Variants in SI observed in about 807,000 individuals in gnomAD.
SI encodes the protein sucrase-isomaltase, also known as sucrase-isomaltase, intestinal.
In SI, 235 loss-of-function variants were observed where a neutral mutation model predicts 253.3. The observed-to-expected ratio is 0.93, with a 90% CI of 0.83 to 1.03. The LOEUF is 1.03. SI is among the 50% of genes least tolerant of loss of function. The probability of loss-of-function intolerance (pLI) is 0.00; values close to 1 mark genes in which losing one functional copy is unlikely to be tolerated. For missense variants in SI, 2,442 were observed against 2,211.1 expected, an observed-to-expected ratio of 1.10 and a Z score of -2.09; for synonymous variants, 819 against 712.0, an observed-to-expected ratio of 1.15 and a Z score of -2.39.
intron 37 of SI, among the ~76,000 whole-genome samples, chr3:165,000,992 A>G (rs865867478): frequency 8.6e-5 from 13 of 151,438 alleles, no homozygotes; most frequent in Middle Eastern, 6.8e-3. Context: ...AAGTAAAACC[A>G]GAAACTCTAC....
chr3:164,988,128 G>T (rs932494974), intron 44 of SI, among the ~76,000 whole-genome samples: 4 of 152,056 alleles, frequency 2.6e-5, no homozygotes, highest in African/African-American at 9.7e-5. Context: ...ACTTGATTTG[G>T]CAGCCTCATA....
At chr3:165,000,071 C>A (rs959411519) in intron 37 of SI, among the ~76,000 whole-genome samples, 7 of 150,892 alleles carry the variant, frequency 4.6e-5, no homozygotes, top group Non-Finnish European at 8.9e-5. Flanking sequence ...GGTGATAATT[C>A]TATAAATCTA....
At chr3:164,989,561 T>C (rs1159526260) in intron 44 of SI, among the ~76,000 whole-genome samples, 1 of 151,974 alleles carries the variant, frequency 6.6e-6, no homozygotes, top group Non-Finnish European at 1.5e-5. Flanking sequence ...AGTAGTTTGA[T>C]GGAGTAGTGA....
rs771233611 is a variant in SI, at chr3:165,059,312, A to C, written c.1147-13T>G. The C allele has an allele frequency of 6.2e-7, 1 of 1,611,072 alleles. No homozygotes were observed. The highest frequency in any genetic ancestry group is 8.5e-7 in the Non-Finnish European group (1 of 1,177,834). On this transcript the variant is annotated splice_polypyrimidine_tract_variant and intron_variant, in intron 10 of 47. Coordinates refer to ENST00000264382, the MANE Select transcript of SI (RefSeq NM_001041.4). Reference sequence around the variant, plus strand: ...TGACCTGTGTATCCTGAAAGTTAGAAGATTGTATTTCAATACATAGTACTG... The same window carrying C: ...TGACCTGTGTATCCTGAAAGTTAGACGATTGTATTTCAATACATAGTACTG...
intron 25 of SI, among the ~76,000 whole-genome samples, chr3:165,024,467 T>C (rs1711796096): frequency 6.6e-6 from 1 of 151,282 alleles, no homozygotes; most frequent in African/African-American, 2.4e-5. Flanking sequence ...TCCAATTTCC[T>C]TTTAAAGAAG....
chr3:165,048,878 A>G (rs553446509), intron 15 of SI, among the ~76,000 whole-genome samples: 31 of 152,092 alleles, frequency 2.0e-4, no homozygotes, highest in Non-Finnish European at 2.9e-4. Context: ...CGGCCTCCCA[A>G]TGTGCTGGGG....
intron 44 of SI, among the ~76,000 whole-genome samples, chr3:164,989,692 C>T (rs1204308537): frequency 3.3e-5 from 5 of 151,998 alleles, no homozygotes; most frequent in African/African-American, 1.2e-4. Flanking sequence ...AGAGACACCT[C>T]CAAGCAATAC....
chr3:165,030,279 G>A (rs1291521186), intron 25 of SI, among the ~76,000 whole-genome samples: 1 of 150,804 alleles, frequency 6.6e-6, no homozygotes, highest in Non-Finnish European at 1.5e-5. Context: ...ACTGGCAAGA[G>A]ATTATCATCC....
intron 16 of SI, among the ~76,000 whole-genome samples, chr3:165,043,752 A>G (rs1278200621): frequency 6.6e-6 from 1 of 152,064 alleles, no homozygotes; most frequent in Non-Finnish European, 1.5e-5. Flanking sequence ...TTTTCTGTGT[A>G]AGTATATATG....
At chr3:165,078,272 T>C (rs1715133147) in intron 1 of SI, among the ~76,000 whole-genome samples, 161 bp downstream of exon 1, 1 of 151,542 alleles carries the variant, frequency 6.6e-6, no homozygotes. Context: ...TTTTCCTGTT[T>C]AATACAAGGT....
intron 5 of SI, among the ~76,000 whole-genome samples, chr3:165,068,146 C>T (rs1714356475): frequency 6.7e-6 from 1 of 149,032 alleles, no homozygotes; most frequent in East Asian, 2.0e-4. Context: ...GACACTAACA[C>T]TTTTCTGAAA....
intron 3 of SI, among the ~76,000 whole-genome samples, chr3:165,073,972 C>A (rs1714772400): frequency 6.6e-6 from 1 of 151,970 alleles, no homozygotes; most frequent in South Asian, 2.1e-4. Context: ...CATATACACC[C>A]ACACACAATG....
At chr3:165,027,826 CA>C (rs1457021732) in intron 25 of SI, among the ~76,000 whole-genome samples, 6 of 151,464 alleles carry the variant, frequency 4.0e-5, no homozygotes, top group Non-Finnish European at 8.9e-5. Context: ...AACCCACAGC[CA>C]ACGTAATACT....
chr3:165,015,543 A>C (rs1484839482), intron 32 of SI, among the ~76,000 whole-genome samples: 1 of 152,086 alleles, frequency 6.6e-6, no homozygotes, highest in Admixed American at 6.6e-5. Context: ...TAGTGATAAA[A>C]AATTATCTTC....
At chr3:165,038,954 G>C (rs995307810) in intron 20 of SI, 124 bp downstream of exon 20, 2 of 613,558 alleles carry the variant, frequency 3.3e-6, no homozygotes, top group Admixed American at 3.1e-5. Context: ...ATTTTTTATA[G>C]TAATGACAGA....
intron 44 of SI, among the ~76,000 whole-genome samples, chr3:164,990,133 G>T (rs1219403048): frequency 2.6e-5 from 4 of 152,062 alleles, no homozygotes; most frequent in African/African-American, 7.2e-5. Flanking sequence ...TTTACGGGGG[G>T]TGTTGAAAAT....
rs1713101923 is a variant in SI, at chr3:165,046,178, T to C, written c.1887+663A>G. Among the ~76,000 whole-genome samples, 3 of 152,216 alleles carry C rather than the reference T, an allele frequency of 2.0e-5. No individual in the cohort carries two copies. The South Asian group carries it at 6.2e-4, about 32-fold the overall frequency. ...AGATTGTGTGTGGGGGTGTTACTTTTATTGATCGGGTTTTTGGTGTTTGTT... is the reference window on the plus strand; with the variant it reads ...AGATTGTGTGTGGGGGTGTTACTTTCATTGATCGGGTTTTTGGTGTTTGTT... On this transcript the variant is annotated intron_variant, in intron 16 of 47. Coordinates refer to ENST00000264382, the MANE Select transcript of SI (RefSeq NM_001041.4).
At chr3:165,083,950 A>G in the SI span, among the ~76,000 whole-genome samples, 1 of 152,010 alleles carries the variant, frequency 6.6e-6, no homozygotes, top group Admixed American at 6.6e-5. Flanking sequence ...TGTGTTGTCA[A>G]ATCTGCATTT....
chr3:165,044,234 G>A (rs1560004933), intron 16 of SI, among the ~76,000 whole-genome samples: 1 of 151,864 alleles, frequency 6.6e-6, no homozygotes. Context: ...ACACATTTTG[G>A]ATAGGGGTTA....
Sources: gnomAD v4.1 joint callset for allele counts (sites outside exome capture counted in the v4.1 genomes callset) on GRCh38, gnomAD v4.1.1 for gene constraint, MANE v1.5 for transcripts, NCBI Gene and HGNC (gene_info 2026-07-23, HGNC 2026-07-21) for gene names.